ANO2: variants seen among roughly 807,000 people sequenced by gnomAD.
ANO2 encodes the protein anoctamin-2.
A neutral mutation model predicts 124.2 loss-of-function variants in ANO2; 101 were observed. That is an observed-to-expected ratio of 0.81 (90% CI 0.69 to 0.96). The LOEUF (loss-of-function observed/expected upper bound fraction) is 0.96. Among genes scored for constraint, ANO2 ranks in the 40% least tolerant of loss-of-function variants. ANO2 has a pLI of 0.00. For missense variants in ANO2, 1,293 were observed against 1,274.5 expected, an observed-to-expected ratio of 1.01 and a Z score of -0.22; for synonymous variants, 486 against 482.5, an observed-to-expected ratio of 1.01 and a Z score of -0.09.
chr12:5,774,993 G>A (rs911189221), intron 10 of ANO2, among the ~76,000 whole-genome samples: 1 of 152,122 alleles, frequency 6.6e-6, no homozygotes, highest in African/African-American at 2.4e-5. Flanking sequence ...TTTTACATAC[G>A]TAGATGGTTT....
chr12:5,831,181 C>T (rs958295940), intron 5 of ANO2, among the ~76,000 whole-genome samples: 2 of 152,150 alleles, frequency 1.3e-5, no homozygotes, highest in African/African-American at 4.8e-5. Context: ...GCTCCCAGCA[C>T]CCCAGGAGCC....
At chr12:5,909,445 GT>G (rs1940906371) in intron 3 of ANO2, among the ~76,000 whole-genome samples, 1 of 152,174 alleles carries the variant, frequency 6.6e-6, no homozygotes, top group Non-Finnish European at 1.5e-5. Context: ...AGACAGTACT[GT>G]CAGATACATA....
chr12:5,901,895 T>C (rs1376742078), intron 3 of ANO2, among the ~76,000 whole-genome samples: 3 of 152,184 alleles, frequency 2.0e-5, no homozygotes, highest in African/African-American at 7.2e-5. Context: ...CCCATGTACA[T>C]TAGACTCCGA....
At chr12:5,734,671 A>G (rs2137070295) in intron 13 of ANO2, among the ~76,000 whole-genome samples, 1 of 148,998 alleles carries the variant, frequency 6.7e-6, no homozygotes, top group African/African-American at 2.5e-5. Flanking sequence ...TTTTTGAGAC[A>G]GAGTCTCACT....
At chr12:5,776,433 A>G (rs1167658045) in intron 10 of ANO2, among the ~76,000 whole-genome samples, 1 of 152,162 alleles carries the variant, frequency 6.6e-6, no homozygotes, top group Admixed American at 6.5e-5. Context: ...ACATCTTTTT[A>G]TTCCCACACA....
At chr12:5,637,635 A>G (rs1409810769) in intron 15 of ANO2, among the ~76,000 whole-genome samples, 1 of 152,236 alleles carries the variant, frequency 6.6e-6, no homozygotes, top group East Asian at 1.9e-4. Context: ...CTGACCTGGA[A>G]CCTGCATTGT....
intron 1 of ANO2, among the ~76,000 whole-genome samples, chr12:5,936,056 T>C (rs1942637137): frequency 6.6e-6 from 1 of 152,264 alleles, no homozygotes; most frequent in African/African-American, 2.4e-5. Flanking sequence ...AAATGTCTAT[T>C]CAGAGCTTTT....
intron 20 of ANO2, among the ~76,000 whole-genome samples, chr12:5,590,236 C>A (rs1328301369): frequency 6.6e-6 from 1 of 152,114 alleles, no homozygotes; most frequent in African/African-American, 2.4e-5. Flanking sequence ...CATCAGCTAT[C>A]ATTAGTGTTA....
At chr12:5,931,233 C>T (rs1362400766) in intron 1 of ANO2, among the ~76,000 whole-genome samples, 1 of 152,094 alleles carries the variant, frequency 6.6e-6, no homozygotes, top group Non-Finnish European at 1.5e-5. Flanking sequence ...CATCTCCCAA[C>T]ACTCATCCAC....
intron 3 of ANO2, among the ~76,000 whole-genome samples, chr12:5,888,937 G>A (rs1939181626): frequency 6.6e-6 from 1 of 152,232 alleles, no homozygotes; most frequent in East Asian, 1.9e-4. Context: ...TGGGTGCCTT[G>A]GAGCAGGGAG....
intron 14 of ANO2, among the ~76,000 whole-genome samples, chr12:5,693,359 C>T (rs902093159): frequency 1.3e-5 from 2 of 152,160 alleles, no homozygotes; most frequent in East Asian, 3.9e-4. Flanking sequence ...CACACTCACT[C>T]CATGAACAAA....
intron 4 of ANO2, among the ~76,000 whole-genome samples, chr12:5,849,556 T>C (rs1954802351): frequency 6.6e-6 from 1 of 152,222 alleles, no homozygotes; most frequent in Admixed American, 6.5e-5. Context: ...ATCTTGAGTG[T>C]CCCTCACAAA....
At chr12:5,720,567 C>A (rs1459471406) in intron 14 of ANO2, among the ~76,000 whole-genome samples, 2 of 152,166 alleles carry the variant, frequency 1.3e-5, no homozygotes, top group East Asian at 3.9e-4. Context: ...ATCTCACATC[C>A]CAATGGTATG....
intron 16 of ANO2, among the ~76,000 whole-genome samples, chr12:5,630,716 A>T (rs762830646): frequency 7.9e-5 from 12 of 152,204 alleles, no homozygotes; most frequent in Non-Finnish European, 5.9e-5. Flanking sequence ...ATGTGCTAAG[A>T]TCTGCCATGG....
At chr12:5,922,589 T>TCCCC (rs113271594) in intron 2 of ANO2, 31 bp downstream of exon 2, 7 of 1,449,932 alleles carry the variant, frequency 4.8e-6, no homozygotes, top group African/African-American at 1.5e-5. Context: ...GGCTGGCCTA[T>TCCCC]CCCCCCACCC....
chr12:5,624,262 A>AAACAG (rs1189414951), intron 16 of ANO2, among the ~76,000 whole-genome samples: 177 of 149,852 alleles, frequency 1.2e-3, no homozygotes, highest in Admixed American at 2.2e-3. Flanking sequence ...GAGAGAGAGA[A>AAACAG]ACAGACAGAC....
At chr12:5,577,565 T>C (rs1017429856) in intron 22 of ANO2, among the ~76,000 whole-genome samples, 9 of 152,124 alleles carry the variant, frequency 5.9e-5, no homozygotes, top group Non-Finnish European at 1.0e-4. Context: ...GAACGGTAAT[T>C]AGGGATTGTA....
At chr12:5,739,763 C>T (rs1484545738) in intron 12 of ANO2, 8 of 412,664 alleles carry the variant, frequency 1.9e-5, no homozygotes, top group East Asian at 6.9e-5. Context: ...ATCTTGCCTA[C>T]GCATACATTC....
chr12:5,944,485 C>T (rs1206914035), intron 1 of ANO2, among the ~76,000 whole-genome samples: 1 of 152,246 alleles, frequency 6.6e-6, no homozygotes, highest in African/African-American at 2.4e-5. Flanking sequence ...TCATGCCTGT[C>T]TCAAGAATTA....
Sources: gnomAD v4.1 joint callset for allele counts (sites outside exome capture counted in the v4.1 genomes callset) on GRCh38, gnomAD v4.1.1 for gene constraint, MANE v1.5 for transcripts, NCBI Gene and HGNC (gene_info 2026-07-23, HGNC 2026-07-21) for gene names.